TLK1: variants seen among roughly 807,000 people sequenced by gnomAD.
The protein encoded by TLK1 is tousled like kinase 1, also known as serine/threonine-protein kinase tousled-like 1.
A neutral mutation model predicts 105.3 loss-of-function variants in TLK1; 24 were observed. The observed-to-expected ratio is 0.23, with a 90% CI of 0.17 to 0.32. The LOEUF (loss-of-function observed/expected upper bound fraction) is 0.32. Ranked by LOEUF, TLK1 falls within the 10% of genes least tolerant of loss-of-function variation. The pLI, the probability that TLK1 is intolerant of heterozygous loss-of-function variation, is 1.00. For missense variants in TLK1, 558 were observed against 910.5 expected (o/e 0.61, Z 4.98); for synonymous variants, 321 against 310.4 (o/e 1.03, Z -0.36).
intron 1 of TLK1, among the ~76,000 whole-genome samples, chr2:171,204,030 G>A (rs1693452979): frequency 6.6e-6 from 1 of 151,844 alleles, no homozygotes; most frequent in Non-Finnish European, 1.5e-5. Context: ...CTCCAGCCTG[G>A]GTAACAGAGA....
chr2:171,017,114 T>A (rs889149886), intron 12 of TLK1, among the ~76,000 whole-genome samples: 53 of 152,118 alleles, frequency 3.5e-4, no homozygotes, highest in African/African-American at 1.2e-3. Context: ...TTTTAAAGCT[T>A]TGAGACAAAA....
At position 170,993,666 on chromosome 2, in the gene TLK1, T is replaced by C; in HGVS notation, c.*114A>G. Reference sequence around the variant, plus strand: ...ACAAACAGTTCTTAACCACGTCTTGTGTAAAAAAAAAAAAAAAAAAAAAAG... The same window carrying C: ...ACAAACAGTTCTTAACCACGTCTTGCGTAAAAAAAAAAAAAAAAAAAAAAG... On this transcript the variant is annotated 3_prime_UTR_variant, in exon 21 of 21. Transcript: ENST00000431350. The C allele has an allele frequency of 1.5e-6, 1 of 670,362 alleles. No individual in the cohort carries two copies. Among genetic ancestry groups the C allele is most frequent in the South Asian group, 3.0e-5 (1 of 33,604 alleles). 41.5% of individuals were successfully genotyped at this position (670,362 alleles called of 1,614,324 possible). A position where few individuals can be genotyped will look rare whatever the true frequency, so the allele number is the denominator to read the frequency against.
intron 2 of TLK1, among the ~76,000 whole-genome samples, chr2:171,092,361 GACC>G (rs1384178463): frequency 6.6e-6 from 1 of 152,132 alleles, no homozygotes; most frequent in Non-Finnish European, 1.5e-5. Flanking sequence ...TTTTCACTAT[GACC>G]AGCTGTAGGC....
chr2:171,207,172 T>C (rs12614003), intron 1 of TLK1, among the ~76,000 whole-genome samples: 31,428 of 152,094 alleles, frequency 0.21, 3,387 homozygotes, highest in South Asian at 0.31. Context: ...GATGAATGGA[T>C]AAATAGTGGG....
At chr2:171,016,717 C>T (rs1439189725) in intron 12 of TLK1, among the ~76,000 whole-genome samples, 4 of 151,964 alleles carry the variant, frequency 2.6e-5, no homozygotes, top group Non-Finnish European at 5.9e-5. Flanking sequence ...CACACCGGTA[C>T]CTAAGACAGA....
At chr2:171,003,273 C>CAAAAAAAAAAAAAAAAAAAAAAAAAAAA (rs777049271) in intron 18 of TLK1, among the ~76,000 whole-genome samples, 1 of 68,508 alleles carries the variant, frequency 1.5e-5, no homozygotes, top group Non-Finnish European at 2.6e-5. Flanking sequence ...GACTCCGTCT[C>CAAAAAAAAAAAAAAAAAAAAAAAAAAAA]AAAAAAAAAA....
intron 13 of TLK1, among the ~76,000 whole-genome samples, chr2:171,014,440 T>C (rs1228128412): frequency 6.6e-6 from 1 of 151,600 alleles, no homozygotes; most frequent in Non-Finnish European, 1.5e-5. Context: ...GCCAAAGCAA[T>C]CCTCCTACCT....
At chr2:171,108,234 A>G (rs987965805) in intron 2 of TLK1, among the ~76,000 whole-genome samples, 1 of 152,174 alleles carries the variant, frequency 6.6e-6, no homozygotes, top group African/African-American at 2.4e-5. Context: ...CAACTTATCT[A>G]TAGGTATAGA....
intron 12 of TLK1, among the ~76,000 whole-genome samples, chr2:171,016,977 C>G (rs1255606084): frequency 6.6e-6 from 1 of 152,122 alleles, no homozygotes; most frequent in Non-Finnish European, 1.5e-5. Context: ...TACATAGATT[C>G]TCTTAATTTA....
chr2:171,005,904 G>A (rs1308056985), intron 18 of TLK1, among the ~76,000 whole-genome samples: 2 of 152,192 alleles, frequency 1.3e-5, no homozygotes, highest in East Asian at 3.9e-4. Context: ...CTGACTGGCA[G>A]GTACTGAAGT....
chr2:171,135,830 T>C (rs1331144020), intron 1 of TLK1, among the ~76,000 whole-genome samples: 4 of 151,888 alleles, frequency 2.6e-5, no homozygotes, highest in Non-Finnish European at 4.4e-5. Context: ...ATTAGCAAAA[T>C]GTAAATAAAA....
chr2:171,116,959 C>T (rs914849941), intron 2 of TLK1, among the ~76,000 whole-genome samples: 2 of 152,070 alleles, frequency 1.3e-5, no homozygotes, highest in African/African-American at 4.8e-5. Context: ...AATAAATGGT[C>T]ACAAAGGTCC....
intron 1 of TLK1, among the ~76,000 whole-genome samples, chr2:171,194,730 T>C (rs960970843): frequency 6.3e-5 from 9 of 143,818 alleles, no homozygotes; most frequent in Admixed American, 1.5e-4. Context: ...GGCAGGAGAA[T>C]GGCGTGAACC....
At chr2:171,010,839 C>T (rs1684881877) in intron 14 of TLK1, among the ~76,000 whole-genome samples, 1 of 152,104 alleles carries the variant, frequency 6.6e-6, no homozygotes, top group Admixed American at 6.5e-5. Flanking sequence ...ATTTAAATAG[C>T]TGTTACTCTT....
intron 1 of TLK1, among the ~76,000 whole-genome samples, chr2:171,197,804 A>T (rs79828444): frequency 1.3e-5 from 2 of 152,044 alleles, no homozygotes; most frequent in African/African-American, 4.8e-5. Context: ...CAAACAAAAA[A>T]CAATAAAGAA....
At chr2:171,206,226 G>A in intron 1 of TLK1, among the ~76,000 whole-genome samples, 1 of 152,128 alleles carries the variant, frequency 6.6e-6, no homozygotes. Context: ...ATTAGTTTTT[G>A]TTCTTTCCTA....
chr2:171,082,340 C>A (rs1688793217), intron 3 of TLK1, among the ~76,000 whole-genome samples: 1 of 151,476 alleles, frequency 6.6e-6, no homozygotes, highest in Non-Finnish European at 1.5e-5. Flanking sequence ...AAAATGAAAA[C>A]CAGCAGCATG....
intron 1 of TLK1, among the ~76,000 whole-genome samples, chr2:171,123,560 C>T (rs1176103749): frequency 6.6e-6 from 1 of 152,198 alleles, no homozygotes; most frequent in Non-Finnish European, 1.5e-5. Context: ...GTAATCACAA[C>T]ACTTTGGGAG....
intron 1 of TLK1, among the ~76,000 whole-genome samples, chr2:171,188,718 A>G (rs983982086): frequency 4.0e-5 from 6 of 151,338 alleles, no homozygotes; most frequent in African/African-American, 1.5e-4. Flanking sequence ...AAAAAAAAAA[A>G]AAAAAAAGAA....
Sources: allele counts gnomAD v4.1 joint callset (sites outside exome capture counted in the v4.1 genomes callset), GRCh38; gene constraint gnomAD v4.1.1; transcripts MANE v1.5; gene names NCBI Gene and HGNC (gene_info 2026-07-23, HGNC 2026-07-21).